SEMA6D: variants seen among roughly 807,000 people sequenced by gnomAD.
SEMA6D encodes the protein semaphorin 6D.
Under a neutral mutation model 106.6 loss-of-function variants are expected in SEMA6D, and 35 were observed. That is an observed-to-expected ratio of 0.33 (90% CI 0.25 to 0.44). The LOEUF (loss-of-function observed/expected upper bound fraction) is 0.44, where lower values mean the gene tolerates loss of function less well. Among genes scored for constraint, SEMA6D ranks in the 20% least tolerant of loss-of-function variants. The pLI, the probability that SEMA6D is intolerant of heterozygous loss-of-function variation, is 1.00. For missense variants in SEMA6D, 1,185 were observed against 1,345.9 expected (o/e 0.88, Z 1.87); for synonymous variants, 499 against 487.7 (o/e 1.02, Z -0.31).
intron 3 of SEMA6D, among the ~76,000 whole-genome samples, chr15:47,506,290 T>A (rs180821507): frequency 3.7e-4 from 56 of 152,274 alleles, no homozygotes; most frequent in African/African-American, 1.1e-3. Flanking sequence ...AGGGCACCTT[T>A]AGGTTTGTTT....
intron 4 of SEMA6D, among the ~76,000 whole-genome samples, chr15:47,712,074 GT>G (rs2079033837): frequency 6.6e-6 from 1 of 152,176 alleles, no homozygotes; most frequent in Non-Finnish European, 1.5e-5. Flanking sequence ...TTCTTTACAA[GT>G]GATTCAGAGC....
chr15:47,695,712 A>G (rs2078685344), intron 4 of SEMA6D, among the ~76,000 whole-genome samples: 1 of 152,224 alleles, frequency 6.6e-6, no homozygotes, highest in African/African-American at 2.4e-5. Flanking sequence ...TAGTATAGGA[A>G]GGGAAAATGA....
chr15:47,692,584 A>C (rs1406002680), intron 4 of SEMA6D, among the ~76,000 whole-genome samples: 3 of 152,210 alleles, frequency 2.0e-5, no homozygotes, highest in Non-Finnish European at 4.4e-5. Flanking sequence ...CATTAAAAAC[A>C]TATTATACCT....
At chr15:47,596,697 C>T (rs1487622061) in intron 3 of SEMA6D, among the ~76,000 whole-genome samples, 1 of 151,894 alleles carries the variant, frequency 6.6e-6, no homozygotes, top group Non-Finnish European at 1.5e-5. Context: ...GTGGCTTTAA[C>T]AAAGAGTGTT....
At chr15:47,454,395 TGTGTA>T (rs2042281308) in intron 2 of SEMA6D, among the ~76,000 whole-genome samples, 1 of 151,970 alleles carries the variant, frequency 6.6e-6, no homozygotes, top group Admixed American at 6.6e-5. Flanking sequence ...ATGCCACAAA[TGTGTA>T]TTGAACACCT....
chr15:47,623,715 T>A (rs1480984366), intron 4 of SEMA6D, among the ~76,000 whole-genome samples: 1 of 152,176 alleles, frequency 6.6e-6, no homozygotes, highest in Non-Finnish European at 1.5e-5. Flanking sequence ...ATAAAATATT[T>A]TCAAGGGCTT....
intron 1 of SEMA6D, among the ~76,000 whole-genome samples, chr15:47,720,261 C>CTTTTTTTTTTTTTTTTTTTTTTTT (rs869122623): frequency 2.1e-5 from 2 of 97,166 alleles, no homozygotes; most frequent in African/African-American, 3.9e-5. Flanking sequence ...AATAACCTTT[C>CTTTTTTTTTTTTTTTTTTTTTTTT]TTTTTTTTTT....
intron 4 of SEMA6D, among the ~76,000 whole-genome samples, chr15:47,630,817 A>G (rs970605632): frequency 6.6e-6 from 1 of 151,800 alleles, no homozygotes; most frequent in African/African-American, 2.4e-5. Flanking sequence ...TTGGTATTAG[A>G]CTTATTAAAT....
At chr15:47,687,839 T>C (rs2078501655) in intron 4 of SEMA6D, among the ~76,000 whole-genome samples, 1 of 152,122 alleles carries the variant, frequency 6.6e-6, no homozygotes, top group South Asian at 2.1e-4. Flanking sequence ...TATATTGAGA[T>C]TTCTGACCAT....
At chr15:47,471,097 T>A (rs1198162098) in intron 3 of SEMA6D, among the ~76,000 whole-genome samples, 1 of 151,836 alleles carries the variant, frequency 6.6e-6, no homozygotes, top group African/African-American at 2.4e-5. Flanking sequence ...CCAGAGAGAG[T>A]CTGTGAGTGG....
intron 3 of SEMA6D, among the ~76,000 whole-genome samples, chr15:47,504,803 G>A (rs1049633294): frequency 1.3e-5 from 2 of 152,092 alleles, no homozygotes; most frequent in Admixed American, 6.5e-5. Flanking sequence ...GGCTAATTTG[G>A]ACACTCAGAT....
At chr15:47,481,345 C>T (rs763985799) in intron 3 of SEMA6D, among the ~76,000 whole-genome samples, 7 of 152,120 alleles carry the variant, frequency 4.6e-5, no homozygotes, top group Non-Finnish European at 8.8e-5. Context: ...CAGAGTAGCT[C>T]TGTACTTAAG....
Position 47,765,853 on chromosome 15 carries a change from G to T in SEMA6D, c.1428-16G>T. On this transcript the variant is annotated splice_polypyrimidine_tract_variant and intron_variant, in intron 13 of 18. Transcript: ENST00000536845. Reference sequence around the variant, plus strand: ...CTGACTAAACATATGGCTTCAAAATGTATCCCACAAAATAGGTGCAGTGCT... The same window carrying T: ...CTGACTAAACATATGGCTTCAAAATTTATCCCACAAAATAGGTGCAGTGCT... The T allele has an allele frequency of 1.3e-6, 2 of 1,485,264 alleles. No individual in the cohort carries two copies. The highest frequency in any genetic ancestry group is 1.8e-6 in the Non-Finnish European group (2 of 1,117,076). The allele number at this position is 1,485,264 out of a possible 1,614,324, so 92.0% of individuals were successfully genotyped here. A position where few individuals can be genotyped will look rare whatever the true frequency, so the allele number is the denominator to read the frequency against.
At chr15:47,547,529 A>G (rs1007954733) in intron 3 of SEMA6D, among the ~76,000 whole-genome samples, 1 of 152,162 alleles carries the variant, frequency 6.6e-6, no homozygotes, top group African/African-American at 2.4e-5. Context: ...TTTCTATGCT[A>G]TATTGGTTTT....
intron 1 of SEMA6D, among the ~76,000 whole-genome samples, chr15:47,245,262 T>C (rs1234673165): frequency 6.6e-6 from 1 of 152,200 alleles, no homozygotes; most frequent in Admixed American, 6.5e-5. Context: ...CTTAAGTTCT[T>C]TGAGAAATCT....
At chr15:47,512,552 C>T (rs1365844016) in intron 3 of SEMA6D, among the ~76,000 whole-genome samples, 1 of 152,136 alleles carries the variant, frequency 6.6e-6, no homozygotes, top group Non-Finnish European at 1.5e-5. Flanking sequence ...AATGGCAATT[C>T]AGGGTTTGGG....
Position 47,764,773 on chromosome 15 carries a change from G to C in SEMA6D, c.1233G>C (p.Trp411Cys). The C allele has an allele frequency of 6.2e-7, 1 of 1,613,920 alleles. No individual in the cohort carries two copies. Residue 411 changes from tryptophan (W) to cysteine (C), a missense_variant, in exon 12 of 19, where the codon TGG becomes TGC. Coordinates refer to ENST00000536845, the MANE Select transcript of SEMA6D (RefSeq NM_001358351.3). ...SAVPPIADEP[W>C]FTKTRVRYRL... is the part of the protein sequence containing the mutation. ...TTCCACCCATTGCCGATGAGCCCTGGTTCACAAAGACTCGGGTCAGGTGAG... is the reference window on the plus strand; with the variant it reads ...TTCCACCCATTGCCGATGAGCCCTGCTTCACAAAGACTCGGGTCAGGTGAG...
chr15:47,401,916 G>A (rs987764955), intron 1 of SEMA6D, among the ~76,000 whole-genome samples: 1 of 152,134 alleles, frequency 6.6e-6, no homozygotes, highest in African/African-American at 2.4e-5. Context: ...ACTAGACTGT[G>A]AGCCCTTCAA....
At chr15:47,248,661 G>A (rs561081607) in intron 1 of SEMA6D, among the ~76,000 whole-genome samples, 3 of 152,152 alleles carry the variant, frequency 2.0e-5, no homozygotes, top group Non-Finnish European at 4.4e-5. Flanking sequence ...GGGAAACTTA[G>A]CTCTCAGATA....
Sources: allele counts gnomAD v4.1 joint callset (sites outside exome capture counted in the v4.1 genomes callset), GRCh38; gene constraint gnomAD v4.1.1; transcripts MANE v1.5; gene names NCBI Gene and HGNC (gene_info 2026-07-23, HGNC 2026-07-21).